CREB3L2: variants seen among roughly 807,000 people sequenced by gnomAD.
CREB3L2 encodes cyclic AMP-responsive element-binding protein 3-like protein 2.
Under a neutral mutation model 57.2 loss-of-function variants are expected in CREB3L2, and 23 were observed. That is an observed-to-expected ratio of 0.40 (90% CI 0.29 to 0.57). CREB3L2 has a LOEUF of 0.57. CREB3L2 is among the 20% of genes least tolerant of loss of function. The pLI, the probability that CREB3L2 is intolerant of heterozygous loss-of-function variation, is 0.42. For synonymous variants in CREB3L2, 268 were observed against 265.1 expected, an observed-to-expected ratio of 1.01 and a Z score of -0.11; for missense variants, 628 against 634.7, an observed-to-expected ratio of 0.99 and a Z score of 0.11.
chr7:137,916,494 T>C (rs567767928), intron 2 of CREB3L2, among the ~76,000 whole-genome samples: 41 of 152,196 alleles, frequency 2.7e-4, no homozygotes, highest in African/African-American at 9.9e-4. Context: ...GGCAAGAGAA[T>C]TGCTTGAGCC....
chr7:137,975,454 G>A (rs928762029), intron 1 of CREB3L2, among the ~76,000 whole-genome samples: 2 of 152,108 alleles, frequency 1.3e-5, no homozygotes, highest in Admixed American at 6.5e-5. Flanking sequence ...CAGGACTCTC[G>A]CCCCTTCTCT....
In CREB3L2 at chr7:137,883,967, C is replaced by A. The variant is rs60050341; in HGVS notation, c.1270+1028G>T. On this transcript the variant is annotated intron_variant, in intron 10 of 11. Coordinates refer to ENST00000330387, the MANE Select transcript of CREB3L2 (RefSeq NM_194071.4). Reference sequence around the variant, plus strand: ...TCTGACACCGGAGTCCCCATATTCTCTAGATCTTGGGCATAAGGTTTTGGA... The same window carrying A: ...TCTGACACCGGAGTCCCCATATTCTATAGATCTTGGGCATAAGGTTTTGGA... Among the ~76,000 whole-genome samples, 318 of 150,208 alleles carry A rather than the reference C, an allele frequency of 2.1e-3. 4 individuals are homozygous for A. In the East Asian group the frequency reaches 0.047, roughly 22 times the overall value.
chr7:137,936,322 G>T (rs17275136), intron 1 of CREB3L2, among the ~76,000 whole-genome samples: 3 of 152,248 alleles, frequency 2.0e-5, no homozygotes, highest in Admixed American at 1.3e-4. Context: ...TTTGTGCACA[G>T]GCTAACAGAA....
At chr7:137,985,454 A>T (rs1014983421) in intron 1 of CREB3L2, among the ~76,000 whole-genome samples, 1 of 152,154 alleles carries the variant, frequency 6.6e-6, no homozygotes, top group Admixed American at 6.5e-5. Context: ...GGCCTCGTGG[A>T]TGGAGAGCGC....
In CREB3L2 at chr7:137,937,006, C is replaced by T. The variant is rs372234962; in HGVS notation, c.103-8640G>A. On this transcript the variant is annotated intron_variant, in intron 1 of 11. Coordinates refer to ENST00000330387, the MANE Select transcript of CREB3L2 (RefSeq NM_194071.4). ...ACGGCAGGTAATAGGATTCAGAAAG[C>T]AGAACCTGGGCTGGCAACAAGAGGC... Among the ~76,000 whole-genome samples the T allele has an allele frequency of 3.9e-5, 6 of 152,292 alleles. No homozygotes were observed. The South Asian group carries it at 1.0e-3, about 26-fold the overall frequency.
intron 1 of CREB3L2, among the ~76,000 whole-genome samples, chr7:137,963,019 C>T (rs1248297993): frequency 6.6e-6 from 1 of 152,204 alleles, no homozygotes. Flanking sequence ...CAGTCCCTCT[C>T]AGCTTTGGGG....
At chr7:137,899,554 T>TC (rs1799710160) in intron 8 of CREB3L2, among the ~76,000 whole-genome samples, 1 of 1,442 alleles carries the variant, frequency 6.9e-4, no homozygotes, top group African/African-American at 2.1e-3. Flanking sequence ...CCTCAGGCAA[T>TC]CCCCCCAGGG....
chr7:137,964,021 A>G (rs1801366769), intron 1 of CREB3L2, among the ~76,000 whole-genome samples: 1 of 152,274 alleles, frequency 6.6e-6, no homozygotes, highest in Non-Finnish European at 1.5e-5. Flanking sequence ...GCCATGTTAA[A>G]GAAACACTTG....
At chr7:137,906,623 T>C (rs1799896485) in intron 5 of CREB3L2, among the ~76,000 whole-genome samples, 1 of 152,234 alleles carries the variant, frequency 6.6e-6, no homozygotes, top group South Asian at 2.1e-4. Flanking sequence ...TTAGCTGATA[T>C]GGTTTGGCTC....
intron 1 of CREB3L2, among the ~76,000 whole-genome samples, chr7:137,946,926 A>C (rs1801003677): frequency 1.3e-4 from 4 of 30,232 alleles, no homozygotes; most frequent in Non-Finnish European, 2.0e-4. Context: ...ATATATAGTT[A>C]TATATATAGT....
At chr7:137,950,397 T>C (rs1801072749) in intron 1 of CREB3L2, among the ~76,000 whole-genome samples, 1 of 152,206 alleles carries the variant, frequency 6.6e-6, no homozygotes. Context: ...CACTTGTCTT[T>C]TTCTGGGGAA....
intron 1 of CREB3L2, among the ~76,000 whole-genome samples, chr7:137,960,809 C>CTTTCTT (rs1801305630): frequency 1.0e-5 from 1 of 95,574 alleles, no homozygotes. Context: ...TAAATTATTT[C>CTTTCTT]TTTTTTTTTT....
At chr7:137,987,832 T>C (rs1273556978) in intron 1 of CREB3L2, among the ~76,000 whole-genome samples, 1 of 152,236 alleles carries the variant, frequency 6.6e-6, no homozygotes, top group East Asian at 1.9e-4. Flanking sequence ...ACTATAGACA[T>C]AAGCCACCAC....
chr7:137,989,432 G>GTTTTTTTTTTTTTTTT (rs33944427), intron 1 of CREB3L2, among the ~76,000 whole-genome samples: 4 of 106,018 alleles, frequency 3.8e-5, no homozygotes, highest in African/African-American at 3.7e-5. Context: ...CTTTTCTCCA[G>GTTTTTTTTTTTTTTTT]TTTTTTTTTT....
chr7:137,943,659 T>C (rs945423391), intron 1 of CREB3L2, among the ~76,000 whole-genome samples: 2 of 152,120 alleles, frequency 1.3e-5, no homozygotes, highest in African/African-American at 4.8e-5. Context: ...GGGCCATAGT[T>C]TCATGTTTTC....
In CREB3L2 at chr7:137,916,077, C is replaced by T. The variant is rs111998854; in HGVS notation, c.320-65G>A. 1,738 of 1,331,032 alleles carry T rather than the reference C, an allele frequency of 1.3e-3. 17 individuals carry two copies. The African/African-American group carries it at 0.023, about 18-fold the overall frequency. 82.5% of individuals were successfully genotyped at this position (1,331,032 alleles called of 1,614,324 possible). On this transcript the variant is annotated intron_variant, in intron 2 of 11. Transcript: ENST00000330387. ...GGGCATCAGGCATAAGCAAAACAAG[C>T]GACCACTAGTCTTTCTCCCCAAAAA...
At chr7:137,934,219 C>T (rs1800729321) in intron 1 of CREB3L2, among the ~76,000 whole-genome samples, 1 of 152,178 alleles carries the variant, frequency 6.6e-6, no homozygotes, top group Admixed American at 6.5e-5. Flanking sequence ...ACTGAGAGAC[C>T]TTGAGCTAGG....
chr7:137,950,546 C>T (rs274002), intron 1 of CREB3L2, among the ~76,000 whole-genome samples: 63,364 of 151,966 alleles, frequency 0.42, 14,888 homozygotes, highest in East Asian at 0.79. Flanking sequence ...CGTAGTAGTG[C>T]TTTTTTTCAG....
At chr7:137,900,908 G>A (rs1799740193) in intron 8 of CREB3L2, among the ~76,000 whole-genome samples, 1 of 152,036 alleles carries the variant, frequency 6.6e-6, no homozygotes, top group South Asian at 2.1e-4. Flanking sequence ...TGCCTCCTTG[G>A]TCACCTCTAA....
Sources: allele counts gnomAD v4.1 joint callset (sites outside exome capture counted in the v4.1 genomes callset), GRCh38; gene constraint gnomAD v4.1.1; transcripts MANE v1.5; gene names NCBI Gene and HGNC (gene_info 2026-07-23, HGNC 2026-07-21).